Variants in TASP1 observed in about 807,000 individuals in gnomAD.
TASP1 encodes the protein threonine aspartase 1.
TASP1 carries 16 observed loss-of-function variants against 56.6 expected under a neutral mutation model. The observed-to-expected ratio is 0.28, with a 90% CI of 0.19 to 0.43. The LOEUF is 0.43. Among genes scored for constraint, TASP1 ranks in the 20% least tolerant of loss-of-function variants. The probability of loss-of-function intolerance (pLI) is 1.00; values close to 1 mark genes in which losing one functional copy is unlikely to be tolerated. For missense variants in TASP1, 393 were observed against 511.6 expected (o/e 0.77, Z 2.24); for synonymous variants, 179 against 184.2 (o/e 0.97, Z 0.23).
At chr20:13,502,970 A>G (rs1357988042) in intron 10 of TASP1, among the ~76,000 whole-genome samples, 1 of 152,142 alleles carries the variant, frequency 6.6e-6, no homozygotes, top group Non-Finnish European at 1.5e-5. Context: ...CCCTCACCAC[A>G]ATTTCTCTCA....
chr20:13,179,401 A>ATGTGTGTGTG, the TASP1 span, among the ~76,000 whole-genome samples: 3 of 108,284 alleles, frequency 2.8e-5, no homozygotes, highest in East Asian at 4.6e-4. Context: ...AAGTAGAATT[A>ATGTGTGTGTG]TGTGCGTGTG....
the TASP1 span, among the ~76,000 whole-genome samples, chr20:13,352,968 G>A: frequency 6.6e-6 from 1 of 152,292 alleles, no homozygotes; most frequent in East Asian, 1.9e-4. Flanking sequence ...CGGGCAAGGT[G>A]GTTCACATCT....
At chr20:13,509,984 A>G (rs1442527097) in intron 10 of TASP1, among the ~76,000 whole-genome samples, 1 of 152,178 alleles carries the variant, frequency 6.6e-6, no homozygotes, top group Non-Finnish European at 1.5e-5. Context: ...CCTACTGGGT[A>G]CTATGCTTAT....
chr20:13,214,080 T>C, the TASP1 span, among the ~76,000 whole-genome samples: 2 of 152,166 alleles, frequency 1.3e-5, no homozygotes, highest in Admixed American at 1.3e-4. Flanking sequence ...TAAAGAATAT[T>C]ATAGGGACAA....
At chr20:13,114,684 G>T in the TASP1 span, among the ~76,000 whole-genome samples, 1 of 152,096 alleles carries the variant, frequency 6.6e-6, no homozygotes, top group African/African-American at 2.4e-5. Flanking sequence ...AAAAGAATAA[G>T]AAAACATTTG....
chr20:13,420,779 G>A (rs1211792269), intron 12 of TASP1, among the ~76,000 whole-genome samples: 2 of 152,162 alleles, frequency 1.3e-5, no homozygotes, highest in Non-Finnish European at 2.9e-5. Context: ...GAGAAGGGAA[G>A]CAGTACGGTT....
At chr20:13,567,753 T>C (rs1005157806) in intron 7 of TASP1, among the ~76,000 whole-genome samples, 3 of 152,116 alleles carry the variant, frequency 2.0e-5, no homozygotes, top group African/African-American at 7.2e-5. Flanking sequence ...TTCAGTCTCG[T>C]ATGTACTGAA....
chr20:13,183,292 A>G, the TASP1 span, among the ~76,000 whole-genome samples: 1 of 152,208 alleles, frequency 6.6e-6, no homozygotes, highest in Admixed American at 6.5e-5. Context: ...GGGTGAATCC[A>G]TCCTAGACCA....
At chr20:13,214,979 T>C in the TASP1 span, among the ~76,000 whole-genome samples, 2 of 152,258 alleles carry the variant, frequency 1.3e-5, no homozygotes, top group Non-Finnish European at 2.9e-5. Context: ...AGTCAGAATA[T>C]TGGTAACTTT....
At chr20:13,560,796 TG>T (rs2046320239) in intron 7 of TASP1, among the ~76,000 whole-genome samples, 2 of 152,098 alleles carry the variant, frequency 1.3e-5, no homozygotes, top group Admixed American at 6.5e-5. Flanking sequence ...GATGGTTACT[TG>T]AAGAAATAAT....
chr20:13,587,350 T>A lies in TASP1; in HGVS notation c.303A>T (p.Ala101=), dbSNP rs938621436. The change falls in exon 5 of 14, where the codon GCA becomes GCT. Residue 101 remains alanine (A), a synonymous_variant. Transcript: ENST00000337743. ...ACAGATTTAGATTAGATCCCATTCC[T>A]GCATTTGTAAAAGGAGAATCCTAAA... ...VELEDSPFTN[A]GMGSNLNLLG... 7.5e-6 allele frequency: 12 copies of A among 1,606,944 alleles called. No individual in the cohort carries two copies. Among genetic ancestry groups the A allele is most frequent in the Admixed American group, 5.1e-5 (3 of 58,644 alleles).
At chr20:13,512,677 A>T (rs2044380441) in intron 10 of TASP1, among the ~76,000 whole-genome samples, 1 of 152,166 alleles carries the variant, frequency 6.6e-6, no homozygotes, top group Non-Finnish European at 1.5e-5. Context: ...GTCTTTGCCC[A>T]TGCCTATGTC....
the TASP1 span, among the ~76,000 whole-genome samples, chr20:13,353,716 G>C: frequency 1.3e-5 from 2 of 152,072 alleles, no homozygotes; most frequent in East Asian, 3.9e-4. Context: ...AACTGCCCAG[G>C]CTCTGACATT....
chr20:13,126,586 T>A, the TASP1 span: 1 of 1,613,418 alleles, frequency 6.2e-7, no homozygotes, highest in South Asian at 1.1e-5. Context: ...CCCTCTTTAT[T>A]TAAGGACCTC....
intron 8 of TASP1, among the ~76,000 whole-genome samples, chr20:13,557,815 C>T (rs2046215718): frequency 6.6e-6 from 1 of 151,898 alleles, no homozygotes; most frequent in African/African-American, 2.4e-5. Context: ...TAGTAATCCA[C>T]CCACCTCAGC....
chr20:13,596,437 T>C lies in TASP1; in HGVS notation c.283-9067A>G, dbSNP rs151055689. 6.2e-3 allele frequency among the ~76,000 whole-genome samples: 924 copies of C among 148,144 alleles called. 11 individuals carry two copies. Among genetic ancestry groups the C allele is most frequent in the African/African-American group, 0.021 (867 of 40,452 alleles). On this transcript the variant is annotated intron_variant, in intron 4 of 13. Transcript: ENST00000337743. ...AACCTGCTCCTGAATGACTACTGGG[T>C]AAATAACAAAATGAAGGCAGAAATA...
the TASP1 span, among the ~76,000 whole-genome samples, chr20:13,109,540 G>A: frequency 1.3e-5 from 2 of 152,234 alleles, no homozygotes; most frequent in Admixed American, 6.5e-5. Context: ...CTGGCACACA[G>A]ATAGGGCTCA....
chr20:13,445,387 C>T (rs1339241012), intron 11 of TASP1, among the ~76,000 whole-genome samples: 1 of 152,154 alleles, frequency 6.6e-6, no homozygotes, highest in Non-Finnish European at 1.5e-5. Context: ...AAAAAAACAA[C>T]ATATTTTGAA....
chr20:13,146,793 A>T, the TASP1 span, among the ~76,000 whole-genome samples: 1 of 152,190 alleles, frequency 6.6e-6, no homozygotes, highest in Non-Finnish European at 1.5e-5. Flanking sequence ...TGTGAAGTGT[A>T]TAACTCCGTG....
Sources: allele counts gnomAD v4.1 joint callset (sites outside exome capture counted in the v4.1 genomes callset), GRCh38; gene constraint gnomAD v4.1.1; transcripts MANE v1.5; gene names NCBI Gene and HGNC (gene_info 2026-07-23, HGNC 2026-07-21).